The following NDST4 variants were observed in gnomAD, a reference collection of about 807,000 sequenced individuals.
The protein encoded by NDST4 is N-heparan sulfate sulfotransferase 4.
A neutral mutation model predicts 100.8 loss-of-function variants in NDST4; 63 were observed. The ratio of observed to expected loss-of-function variants is 0.62; its 90% CI spans 0.51 to 0.77. The LOEUF is 0.77. Among genes scored for constraint, NDST4 ranks in the 30% least tolerant of loss-of-function variants. NDST4 has a pLI of 0.00. For missense variants in NDST4, 943 were observed against 1,018.4 expected (o/e 0.93, Z 1.01); for synonymous variants, 377 against 361.8 (o/e 1.04, Z -0.48).
intron 6 of NDST4, among the ~76,000 whole-genome samples, chr4:114,887,926 C>T (rs918194641): frequency 6.6e-6 from 1 of 152,036 alleles, no homozygotes; most frequent in Non-Finnish European, 1.5e-5. Flanking sequence ...TCCTAATAGG[C>T]CTTATAATTT....
At chr4:114,922,742 G>C (rs1162486458) in intron 6 of NDST4, among the ~76,000 whole-genome samples, 2 of 152,122 alleles carry the variant, frequency 1.3e-5, no homozygotes, top group African/African-American at 4.8e-5. Context: ...GATCCATTCC[G>C]TAGTGGTAAC....
chr4:114,951,771 T>A (rs980388433), intron 4 of NDST4, among the ~76,000 whole-genome samples: 1 of 152,146 alleles, frequency 6.6e-6, no homozygotes, highest in Non-Finnish European at 1.5e-5. Context: ...GTTTGACTTC[T>A]ACACTGAGCA....
chr4:114,946,104 A>T (rs973552789), intron 4 of NDST4, among the ~76,000 whole-genome samples: 1 of 152,204 alleles, frequency 6.6e-6, no homozygotes, highest in Admixed American at 6.5e-5. Flanking sequence ...TTTGCTGCTT[A>T]AAGGGGACTA....
chr4:114,986,527 A>AT (rs1726904678), intron 2 of NDST4, among the ~76,000 whole-genome samples: 1 of 152,020 alleles, frequency 6.6e-6, no homozygotes. Context: ...GAATGCTGAA[A>AT]TACTGTTCAG....
At chr4:114,981,461 A>T (rs1308086395) in intron 2 of NDST4, among the ~76,000 whole-genome samples, 3 of 152,196 alleles carry the variant, frequency 2.0e-5, no homozygotes, top group African/African-American at 7.2e-5. Flanking sequence ...TGTGCACTTC[A>T]TCATATACTC....
chr4:114,832,798 G>T (rs1002184868), intron 12 of NDST4, among the ~76,000 whole-genome samples: 10 of 152,168 alleles, frequency 6.6e-5, no homozygotes, highest in African/African-American at 2.4e-4. Context: ...TTGACTTATT[G>T]CTCCCTCTTG....
At chr4:115,047,503 A>G (rs1298678770) in intron 2 of NDST4, among the ~76,000 whole-genome samples, 1 of 152,028 alleles carries the variant, frequency 6.6e-6, no homozygotes, top group African/African-American at 2.4e-5. Context: ...TTTATAACTT[A>G]TTTTTCAAAA....
intron 7 of NDST4, among the ~76,000 whole-genome samples, chr4:114,853,358 G>T (rs571052672): frequency 6.6e-6 from 1 of 152,156 alleles, no homozygotes; most frequent in East Asian, 1.9e-4. Flanking sequence ...CTGAGCTCTA[G>T]ACTTAAGGTT....
intron 6 of NDST4, among the ~76,000 whole-genome samples, chr4:114,909,585 G>A (rs888918174): frequency 3.3e-5 from 5 of 149,864 alleles, no homozygotes; most frequent in Non-Finnish European, 5.9e-5. Context: ...GCGTGAACCC[G>A]GGAAGCGGAG....
At chr4:114,960,559 TAAAA>T (rs1343109683) in intron 4 of NDST4, among the ~76,000 whole-genome samples, 1 of 151,114 alleles carries the variant, frequency 6.6e-6, no homozygotes, top group Non-Finnish European at 1.5e-5. Context: ...AAAAAAAAAA[TAAAA>T]GAAAGAAAGA....
At chr4:114,921,954 T>C (rs549566906) in intron 6 of NDST4, among the ~76,000 whole-genome samples, 30 of 151,824 alleles carry the variant, frequency 2.0e-4, no homozygotes, top group Admixed American at 1.8e-3. Flanking sequence ...CTCATTTCCC[T>C]TTTTTTTCTG....
At position 115,076,520 on chromosome 4, in the gene NDST4, G is replaced by C; in HGVS notation, c.517C>G (p.Pro173Ala). The C allele has an allele frequency of 6.2e-7, 1 of 1,613,916 alleles. No individual in the cohort carries two copies. The highest frequency in any genetic ancestry group is 8.5e-7 in the Non-Finnish European group (1 of 1,179,936). The change falls in exon 2 of 14, where the codon CCA becomes GCA. Residue 173 changes from proline (P) to alanine (A), a missense_variant. Transcript: ENST00000264363. Reference sequence around the variant, plus strand: ...GGAAAGCCTTTTAATTGTGTACTTGGTAAGCTGTTCTCATTGGCTTTATGA... The same window carrying C: ...GGAAAGCCTTTTAATTGTGTACTTGCTAAGCTGTTCTCATTGGCTTTATGA... ...GFHKANENSL[P>A]STQLKGFPLN...
At chr4:114,842,517 C>T (rs1364956682) in intron 10 of NDST4, among the ~76,000 whole-genome samples, 6 of 145,258 alleles carry the variant, frequency 4.1e-5, no homozygotes, top group East Asian at 2.1e-4. Context: ...TGTGGCAGGG[C>T]GCGGTGGCTC....
chr4:114,939,040 G>A (rs1220664712), intron 4 of NDST4, among the ~76,000 whole-genome samples: 5 of 152,134 alleles, frequency 3.3e-5, no homozygotes, highest in African/African-American at 1.2e-4. Context: ...AAAAGTACTT[G>A]GAAACTACCA....
intron 2 of NDST4, among the ~76,000 whole-genome samples, chr4:115,062,639 T>C (rs1728849108): frequency 6.6e-6 from 1 of 151,284 alleles, no homozygotes; most frequent in Non-Finnish European, 1.5e-5. Flanking sequence ...AAAAAATTAA[T>C]ATAAAATATA....
chr4:115,084,477 G>A (rs1011094600), intron 1 of NDST4, among the ~76,000 whole-genome samples: 5 of 152,172 alleles, frequency 3.3e-5, no homozygotes, highest in Non-Finnish European at 5.9e-5. Flanking sequence ...ACATCTTCAG[G>A]GCACGTCAGA....
At chr4:115,011,013 T>C (rs1679774838) in intron 2 of NDST4, among the ~76,000 whole-genome samples, 1 of 152,034 alleles carries the variant, frequency 6.6e-6, no homozygotes, top group African/African-American at 2.4e-5. Flanking sequence ...TCTTTTCACA[T>C]TGATAATAAT....
intron 6 of NDST4, among the ~76,000 whole-genome samples, chr4:114,894,512 G>T (rs1042746521): frequency 6.6e-5 from 10 of 152,136 alleles, no homozygotes; most frequent in Non-Finnish European, 1.5e-4. Flanking sequence ...TTGTGAATGC[G>T]AGTTCATTCA....
At chr4:114,852,026 A>T (rs529851529) in intron 8 of NDST4, among the ~76,000 whole-genome samples, 1 of 152,296 alleles carries the variant, frequency 6.6e-6, no homozygotes, top group East Asian at 1.9e-4. Context: ...AACTTTAATT[A>T]ATCAGGACAT....
Sources: allele counts gnomAD v4.1 joint callset (sites outside exome capture counted in the v4.1 genomes callset), GRCh38; gene constraint gnomAD v4.1.1; transcripts MANE v1.5; gene names NCBI Gene and HGNC (gene_info 2026-07-23, HGNC 2026-07-21).